LUZP2: variants seen among roughly 807,000 people sequenced by gnomAD.
LUZP2 encodes leucine zipper protein 2.
A neutral mutation model predicts 51.6 loss-of-function variants in LUZP2; 52 were observed. That is an observed-to-expected ratio of 1.01 (90% CI 0.81 to 1.27). The LOEUF (loss-of-function observed/expected upper bound fraction) is 1.27, where lower values mean the gene tolerates loss of function less well. LUZP2 is among the 50% of genes most tolerant of loss of function. The pLI is 0.00. For missense variants in LUZP2, 436 were observed against 395.4 expected (o/e 1.10, Z -0.87); for synonymous variants, 154 against 137.3 (o/e 1.12, Z -0.85).
At chr11:24,947,209 TAAG>T (rs1484176316) in intron 7 of LUZP2, among the ~76,000 whole-genome samples, 1 of 152,028 alleles carries the variant, frequency 6.6e-6, no homozygotes, top group South Asian at 2.1e-4. Flanking sequence ...AGCATATTAT[TAAG>T]AAAGTCATAG....
intron 5 of LUZP2, among the ~76,000 whole-genome samples, chr11:24,822,965 G>C (rs911823602): frequency 6.6e-6 from 1 of 152,074 alleles, no homozygotes; most frequent in Non-Finnish European, 1.5e-5. Context: ...CACAAATGTA[G>C]TAATAATCAT....
intron 7 of LUZP2, among the ~76,000 whole-genome samples, chr11:24,966,364 A>G (rs972055976): frequency 1.3e-5 from 2 of 150,986 alleles, no homozygotes; most frequent in African/African-American, 2.4e-5. Flanking sequence ...TTGGCTTTTC[A>G]TTCTCTCTGT....
At chr11:24,795,163 G>T (rs1448383523) in intron 5 of LUZP2, among the ~76,000 whole-genome samples, 1 of 151,994 alleles carries the variant, frequency 6.6e-6, no homozygotes, top group Non-Finnish European at 1.5e-5. Flanking sequence ...AATATACATG[G>T]TTTATTGATT....
At chr11:24,691,809 G>C (rs897914708) in intron 1 of LUZP2, among the ~76,000 whole-genome samples, 9 of 151,744 alleles carry the variant, frequency 5.9e-5, no homozygotes, top group African/African-American at 1.9e-4. Flanking sequence ...TAACTCTATG[G>C]GTGGCAACCT....
chr11:25,063,453 G>A (rs931408986), intron 10 of LUZP2, among the ~76,000 whole-genome samples: 4 of 151,786 alleles, frequency 2.6e-5, no homozygotes, highest in African/African-American at 9.7e-5. Flanking sequence ...CACCAGCATT[G>A]TAAAAGACAG....
rs59152301 is a variant in LUZP2, at chr11:24,518,179, TTAAG to T, written c.62+20876_62+20879del. On this transcript the variant is annotated intron_variant, in intron 1 of 11. Transcript: ENST00000336930. ...AAGTGTTAGGTATGACCTCATTTAA[TTAAG>T]TTAGATAATTTATATAAATGAGATA... Among the ~76,000 whole-genome samples the T allele has an allele frequency of 5.2e-3, 790 of 152,284 alleles. 5 individuals carry two copies. Among genetic ancestry groups the T allele is most frequent in the African/African-American group, 0.018 (753 of 41,554 alleles).
intron 1 of LUZP2, among the ~76,000 whole-genome samples, chr11:24,661,961 CT>C (rs1167545420): frequency 1.3e-5 from 2 of 151,998 alleles, no homozygotes; most frequent in African/African-American, 2.4e-5. Context: ...GGAATACCTG[CT>C]TTTTAATTCT....
intron 9 of LUZP2, among the ~76,000 whole-genome samples, chr11:25,015,710 A>G (rs546617748): frequency 6.6e-6 from 1 of 152,222 alleles, no homozygotes; most frequent in South Asian, 2.1e-4. Flanking sequence ...ATCTACATGT[A>G]TTCCTAAATG....
chr11:24,572,798 C>T (rs1239415547), intron 1 of LUZP2, among the ~76,000 whole-genome samples: 3 of 151,932 alleles, frequency 2.0e-5, no homozygotes, highest in Admixed American at 2.0e-4. Context: ...TTTACTTTAT[C>T]TAAAGACGAA....
chr11:24,939,721 A>G (rs113725948), intron 7 of LUZP2, among the ~76,000 whole-genome samples: 2 of 152,316 alleles, frequency 1.3e-5, no homozygotes, highest in African/African-American at 2.4e-5. Context: ...AGGCAAGATA[A>G]GAGATTGGGG....
intron 1 of LUZP2, among the ~76,000 whole-genome samples, chr11:24,574,536 T>C (rs558952900): frequency 3.8e-4 from 58 of 152,090 alleles, no homozygotes; most frequent in African/African-American, 1.4e-3. Context: ...AAAATTGCAC[T>C]GTTCAAGTTT....
chr11:24,929,647 T>C (rs747848396), intron 7 of LUZP2, among the ~76,000 whole-genome samples: 9 of 152,168 alleles, frequency 5.9e-5, no homozygotes, highest in Non-Finnish European at 1.2e-4. Flanking sequence ...TCATATGGTC[T>C]ATCTTGGAGA....
intron 7 of LUZP2, among the ~76,000 whole-genome samples, chr11:24,931,574 G>C (rs1047523067): frequency 1.3e-5 from 2 of 152,126 alleles, no homozygotes; most frequent in Non-Finnish European, 2.9e-5. Flanking sequence ...CAGAAGCCAT[G>C]GTTGTTTATA....
intron 5 of LUZP2, among the ~76,000 whole-genome samples, chr11:24,830,720 T>C (rs2716492): frequency 0.16 from 23,830 of 151,908 alleles, 2,073 homozygotes; most frequent in African/African-American, 0.22. Flanking sequence ...GCTGGCCAGG[T>C]GCGGTGGCTC....
At chr11:24,538,658 GT>G (rs1272745432) in intron 1 of LUZP2, among the ~76,000 whole-genome samples, 2 of 144,392 alleles carry the variant, frequency 1.4e-5, no homozygotes, top group African/African-American at 2.6e-5. Flanking sequence ...TTATATGTGT[GT>G]GTGTGTGTGT....
In LUZP2 at chr11:24,837,385, AT is replaced by A. The variant is rs955298372; in HGVS notation, c.397-68596del. 2.7e-4 allele frequency among the ~76,000 whole-genome samples: 41 copies of A among 149,784 alleles called. No individual in the cohort carries two copies. The East Asian group carries it at 6.8e-3, about 25-fold the overall frequency. On this transcript the variant is annotated intron_variant, in intron 5 of 11. Transcript: ENST00000336930. ...AGATAGAACCCAATATGAACCTTCA[AT>A]TTTTTTTTTCACTGATCGTCTGAGC...
Position 24,824,110 on chromosome 11 carries a change from TC to T in LUZP2, c.396+60805del, listed in dbSNP as rs921607425. On this transcript the variant is annotated intron_variant, in intron 5 of 11. Transcript: ENST00000336930. ...TGGGTGTGGTGGCTTATGCCTGTAA[TC>T]CCAGCACTTTGGGAGGCCGAGGCAG... is the stretch of plus-strand genomic sequence containing the variant. 5.9e-5 allele frequency among the ~76,000 whole-genome samples: 9 copies of T among 151,590 alleles called. No homozygotes were observed. In the South Asian group the frequency reaches 6.3e-4, roughly 11 times the overall value.
chr11:24,579,352 A>C (rs1309832814), intron 1 of LUZP2, among the ~76,000 whole-genome samples: 3 of 152,094 alleles, frequency 2.0e-5, no homozygotes, highest in African/African-American at 7.2e-5. Flanking sequence ...CAAGACTAGG[A>C]GATATATACA....
chr11:25,073,772 G>A (rs915876306), intron 10 of LUZP2, among the ~76,000 whole-genome samples: 1 of 151,930 alleles, frequency 6.6e-6, no homozygotes, highest in South Asian at 2.1e-4. Flanking sequence ...AATAATGTCA[G>A]TGTCAACTGA....
Sources: gnomAD v4.1 joint callset for allele counts (sites outside exome capture counted in the v4.1 genomes callset) on GRCh38, gnomAD v4.1.1 for gene constraint, MANE v1.5 for transcripts, NCBI Gene and HGNC (gene_info 2026-07-23, HGNC 2026-07-21) for gene names.